Variants in GRM7 observed in about 807,000 individuals in gnomAD.
The protein encoded by GRM7 is glutamate metabotropic receptor 7, also known as metabotropic glutamate receptor 7.
A neutral mutation model predicts 84.5 loss-of-function variants in GRM7; 35 were observed. The observed-to-expected ratio is 0.41, with a 90% CI of 0.32 to 0.55. The LOEUF (loss-of-function observed/expected upper bound fraction) is 0.55, where lower values mean the gene tolerates loss of function less well. Ranked by LOEUF, GRM7 falls within the 20% of genes least tolerant of loss-of-function variation. GRM7 has a pLI of 0.19. For missense variants in GRM7, 1,003 were observed against 1,194.6 expected, an observed-to-expected ratio of 0.84 and a Z score of 2.36; for synonymous variants, 487 against 455.1, an observed-to-expected ratio of 1.07 and a Z score of -0.89.
intron 5 of GRM7, among the ~76,000 whole-genome samples, chr3:7,425,750 C>G (rs754515008): frequency 1.3e-5 from 2 of 152,064 alleles, no homozygotes; most frequent in Non-Finnish European, 2.9e-5. Flanking sequence ...TAAATAGTTA[C>G]ATTTTAAAAT....
At position 7,521,202 on chromosome 3, in the gene GRM7, C is replaced by T. The variant is rs143504773; in HGVS notation, c.1516-57220C>T. ...GGAACCTGATGTTGAGCAGGCCACTCTCCTGACTTCCCATCTTTTCCCAGG... is the reference window on the plus strand; with the variant it reads ...GGAACCTGATGTTGAGCAGGCCACTTTCCTGACTTCCCATCTTTTCCCAGG... On this transcript the variant is annotated intron_variant, in intron 7 of 9. Coordinates refer to ENST00000357716, the MANE Select transcript of GRM7 (RefSeq NM_000844.4). Among the ~76,000 whole-genome samples the T allele has an allele frequency of 5.1e-4, 78 of 152,334 alleles. No individual in the cohort carries two copies. In the East Asian group the frequency reaches 7.7e-3, roughly 15 times the overall value.
intron 1 of GRM7, among the ~76,000 whole-genome samples, chr3:7,069,066 T>C (rs1187180912): frequency 6.6e-6 from 1 of 150,732 alleles, no homozygotes; most frequent in Non-Finnish European, 1.5e-5. Context: ...ATTTTATATA[T>C]ATATATATCA....
At chr3:7,457,952 A>G (rs1698087259) in intron 6 of GRM7, among the ~76,000 whole-genome samples, 1 of 152,206 alleles carries the variant, frequency 6.6e-6, no homozygotes, top group African/African-American at 2.4e-5. Flanking sequence ...ATTACAAAAT[A>G]TATGTTGCCA....
chr3:6,951,474 CGTGTT>C (rs2125069613), intron 1 of GRM7, among the ~76,000 whole-genome samples: 1 of 152,110 alleles, frequency 6.6e-6, no homozygotes, highest in East Asian at 1.9e-4. Flanking sequence ...CAAATACTGA[CGTGTT>C]GTGTTTTCAT....
At chr3:7,262,935 T>A (rs1275346375) in intron 2 of GRM7, among the ~76,000 whole-genome samples, 1 of 30,872 alleles carries the variant, frequency 3.2e-5, no homozygotes, top group Non-Finnish European at 5.8e-5. Flanking sequence ...TGCCTACAGG[T>A]GATCCACCCA....
chr3:7,516,508 A>T (rs1272683929), intron 7 of GRM7, among the ~76,000 whole-genome samples: 1 of 111,622 alleles, frequency 9.0e-6, no homozygotes, highest in Non-Finnish European at 2.1e-5. Context: ...AAAAAAAAGA[A>T]ATAGTTAGTT....
intron 2 of GRM7, among the ~76,000 whole-genome samples, chr3:7,285,783 G>T (rs944087381): frequency 6.6e-6 from 1 of 151,978 alleles, no homozygotes; most frequent in African/African-American, 2.4e-5. Context: ...AAGGTTCTTG[G>T]TTCTTTATGC....
At chr3:6,950,045 C>T (rs1692670249) in intron 1 of GRM7, among the ~76,000 whole-genome samples, 1 of 152,170 alleles carries the variant, frequency 6.6e-6, no homozygotes, top group African/African-American at 2.4e-5. Flanking sequence ...TGAAGCCTTC[C>T]TCTCTCAACT....
At chr3:7,423,903 T>C (rs189817178) in intron 5 of GRM7, among the ~76,000 whole-genome samples, 5 of 152,284 alleles carry the variant, frequency 3.3e-5, no homozygotes, top group Admixed American at 2.0e-4. Context: ...ATAGTATTTA[T>C]TGTTTACCAT....
chr3:7,130,483 C>T (rs571180992), intron 1 of GRM7, among the ~76,000 whole-genome samples: 1 of 149,644 alleles, frequency 6.7e-6, no homozygotes, highest in Non-Finnish European at 1.5e-5. Context: ...GTGGAGGTTG[C>T]AGGGAGCCGA....
At chr3:7,203,011 C>A (rs1696117160) in intron 2 of GRM7, among the ~76,000 whole-genome samples, 1 of 152,176 alleles carries the variant, frequency 6.6e-6, no homozygotes. Flanking sequence ...CCAACCAAGT[C>A]AGGGTAGAGG....
intron 1 of GRM7, among the ~76,000 whole-genome samples, chr3:6,972,239 G>A (rs2125095298): frequency 6.6e-6 from 1 of 152,216 alleles, no homozygotes; most frequent in African/African-American, 2.4e-5. Flanking sequence ...TGCAGGGCAG[G>A]AAGGCACTCA....
At chr3:7,122,111 G>T (rs1693246497) in intron 1 of GRM7, among the ~76,000 whole-genome samples, 1 of 152,138 alleles carries the variant, frequency 6.6e-6, no homozygotes, top group Non-Finnish European at 1.5e-5. Flanking sequence ...AAATTACCCA[G>T]TCTGTGGTGT....
chr3:7,347,068 C>T (rs1369655011), intron 4 of GRM7, among the ~76,000 whole-genome samples: 1 of 152,080 alleles, frequency 6.6e-6, no homozygotes, highest in Non-Finnish European at 1.5e-5. Flanking sequence ...AAAAAATGCC[C>T]TTGAGGAACT....
chr3:7,705,593 A>C (rs1701358923), intron 9 of GRM7, among the ~76,000 whole-genome samples: 1 of 152,226 alleles, frequency 6.6e-6, no homozygotes, highest in African/African-American at 2.4e-5. Flanking sequence ...TTGTGTGAAC[A>C]ATGTGTAGGC....
intron 1 of GRM7, among the ~76,000 whole-genome samples, chr3:7,043,651 G>T (rs887055785): frequency 2.8e-4 from 42 of 152,320 alleles, no homozygotes; most frequent in African/African-American, 9.9e-4. Context: ...ACAGTGCTCT[G>T]CCATGGAGCA....
chr3:7,208,099 T>G (rs79003405), intron 2 of GRM7, among the ~76,000 whole-genome samples: 3 of 152,340 alleles, frequency 2.0e-5, no homozygotes, highest in Non-Finnish European at 2.9e-5. Context: ...AGCAGCATAT[T>G]CAGCCATTAT....
At chr3:7,019,710 T>G (rs1312798207) in intron 1 of GRM7, among the ~76,000 whole-genome samples, 2 of 152,060 alleles carry the variant, frequency 1.3e-5, no homozygotes. Flanking sequence ...CGGTAAAGAG[T>G]AACCTGTGAT....
At chr3:7,200,849 C>T (rs2125113386) in intron 2 of GRM7, among the ~76,000 whole-genome samples, 1 of 152,098 alleles carries the variant, frequency 6.6e-6, no homozygotes, top group Non-Finnish European at 1.5e-5. Context: ...CGTATTTCTT[C>T]CTTTAGTAAC....
Sources: gnomAD v4.1 joint callset for allele counts (sites outside exome capture counted in the v4.1 genomes callset) on GRCh38, gnomAD v4.1.1 for gene constraint, MANE v1.5 for transcripts, NCBI Gene and HGNC (gene_info 2026-07-23, HGNC 2026-07-21) for gene names.